MUCL1: variants seen among roughly 807,000 people sequenced by gnomAD.
MUCL1 encodes mucin-like protein 1.
In MUCL1, 11 loss-of-function variants were observed where a neutral mutation model predicts 9.2. The observed-to-expected ratio is 1.19, with a 90% CI of 0.75 to 1.97. MUCL1 has a LOEUF of 1.97. MUCL1 is among the 30% of genes most tolerant of loss of function. The pLI is 0.00. For missense variants in MUCL1, 144 were observed against 110.9 expected (o/e 1.30, Z -1.34); for synonymous variants, 48 against 40.5 (o/e 1.19, Z -0.71).
At chr12:54,832,716 T>C (rs1054609695) in intron 1 of MUCL1, among the ~76,000 whole-genome samples, 5 of 152,114 alleles carry the variant, frequency 3.3e-5, no homozygotes, top group African/African-American at 7.2e-5. Flanking sequence ...CCAAGAGAAT[T>C]TTTCTTTCAT....
chr12:54,856,305 C>T (rs187619171), intron 2 of MUCL1, among the ~76,000 whole-genome samples: 122 of 152,228 alleles, frequency 8.0e-4, no homozygotes, highest in Non-Finnish European at 1.5e-3. Context: ...AGATGAGATA[C>T]GTCTTCTTAG....
chr12:54,858,147 T>G, intron 3 of MUCL1, 46 bp from the exon 4 acceptor site: 1 of 1,610,792 alleles, frequency 6.2e-7, no homozygotes, highest in Non-Finnish European at 8.5e-7. Flanking sequence ...ATCCACATTC[T>G]TCATCCTTTG....
At chr12:54,831,305 C>T (rs1219877341) in intron 1 of MUCL1, among the ~76,000 whole-genome samples, 1 of 152,024 alleles carries the variant, frequency 6.6e-6, no homozygotes, top group African/African-American at 2.4e-5. Flanking sequence ...ATTAAATATT[C>T]CTAAAACTCA....
chr12:54,831,359 G>C (rs1959185140), intron 1 of MUCL1, among the ~76,000 whole-genome samples: 1 of 152,016 alleles, frequency 6.6e-6, no homozygotes, highest in Non-Finnish European at 1.5e-5. Flanking sequence ...CATGTGACTT[G>C]GGTAAGTTTT....
intron 1 of MUCL1, among the ~76,000 whole-genome samples, chr12:54,849,147 C>T (rs1008724507): frequency 1.3e-5 from 2 of 151,970 alleles, no homozygotes; most frequent in African/African-American, 4.8e-5. Flanking sequence ...TAATTTAAGG[C>T]CATTTTGTAC....
rs183256524 is a variant in MUCL1 at position 54,844,929 on chromosome 12, A to C, written c.43+5482A>C. On this transcript the variant is annotated intron_variant, in intron 1 of 3. Coordinates refer to the MUCL1 transcript ENST00000546809. ...AAACTATTTTAATAGACTCACAGAC[A>C]CTGTGGGTGAAGAAGCTGGGTAAGG... Among the ~76,000 whole-genome samples, 278 of 152,350 alleles carry C rather than the reference A, an allele frequency of 1.8e-3. 1 individual carries two copies. Among genetic ancestry groups the C allele is most frequent in the Non-Finnish European group, 1.9e-4 (13 of 68,036 alleles).
chr12:54,831,140 C>T (rs1169688847), intron 1 of MUCL1, among the ~76,000 whole-genome samples: 1 of 152,058 alleles, frequency 6.6e-6, no homozygotes, highest in Non-Finnish European at 1.5e-5. Flanking sequence ...GCACTAAGAT[C>T]TCTACAGTCT....
chr12:54,854,268 T>G (rs1868280758), upstream of MUCL1, among the ~76,000 whole-genome samples: 1 of 152,154 alleles, frequency 6.6e-6, no homozygotes, highest in Non-Finnish European at 1.5e-5. Context: ...ATACCCTACA[T>G]GTAAGAGGAT....
chr12:54,852,206 C>T (rs1158368264), upstream of MUCL1, among the ~76,000 whole-genome samples: 2 of 152,270 alleles, frequency 1.3e-5, no homozygotes, highest in African/African-American at 2.4e-5. Context: ...CAAGTCAATC[C>T]TAAGCCAAAA....
upstream of MUCL1, among the ~76,000 whole-genome samples, chr12:54,853,499 A>G (rs1292757142): frequency 6.6e-6 from 1 of 152,122 alleles, no homozygotes; most frequent in African/African-American, 2.4e-5. Context: ...CTTCAGACTG[A>G]CCATTTCCTT....
At chr12:54,838,040 G>A (rs1197872585), upstream of MUCL1, among the ~76,000 whole-genome samples, 1 of 152,140 alleles carries the variant, frequency 6.6e-6, no homozygotes, top group Non-Finnish European at 1.5e-5. Flanking sequence ...TGAGTTTTAT[G>A]CTTCAAGTGG....
At chr12:54,836,452 G>A (rs1001443086), upstream of MUCL1, among the ~76,000 whole-genome samples, 2 of 151,970 alleles carry the variant, frequency 1.3e-5, no homozygotes, top group African/African-American at 4.8e-5. Context: ...CAATTTTCAT[G>A]TCTGAGCTTA....
upstream of MUCL1, among the ~76,000 whole-genome samples, chr12:54,852,519 C>A (rs921573291): frequency 6.6e-6 from 1 of 152,180 alleles, no homozygotes; most frequent in Non-Finnish European, 1.5e-5. Flanking sequence ...AGATGAAAAA[C>A]TACTCATATA....
At chr12:54,846,029 A>G (rs528166558) in intron 1 of MUCL1, among the ~76,000 whole-genome samples, 1 of 152,198 alleles carries the variant, frequency 6.6e-6, no homozygotes, top group African/African-American at 2.4e-5. Context: ...ATGTTTTAAG[A>G]CATTGACAAA....
At chr12:54,834,316 A>AT (rs1221121283) in intron 1 of MUCL1, among the ~76,000 whole-genome samples, 1 of 152,114 alleles carries the variant, frequency 6.6e-6, no homozygotes, top group African/African-American at 2.4e-5. Context: ...TTTACCTATC[A>AT]GCATTTTTAA....
At chr12:54,855,403 A>G (rs1868291413) in intron 2 of MUCL1, 1 of 473,426 alleles carries the variant, frequency 2.1e-6, no homozygotes, top group African/African-American at 1.9e-5. Context: ...CTTATTATTC[A>G]TTGTTTTCCA....
chr12:54,837,484 G>T (rs1959194742), upstream of MUCL1, among the ~76,000 whole-genome samples: 1 of 152,070 alleles, frequency 6.6e-6, no homozygotes, highest in South Asian at 2.1e-4. Flanking sequence ...AATCCTTATG[G>T]GCTGGGTGTG....
chr12:54,841,229 T>G (rs1389206428), intron 1 of MUCL1, among the ~76,000 whole-genome samples: 1 of 152,220 alleles, frequency 6.6e-6, no homozygotes, highest in East Asian at 1.9e-4. Flanking sequence ...GTCTCAGAAT[T>G]TCTTTATTCA....
chr12:54,835,496 C>T (rs115312321), upstream of MUCL1, among the ~76,000 whole-genome samples: 1,791 of 151,980 alleles, frequency 0.012, 38 homozygotes, highest in African/African-American at 0.041. Context: ...ATTTGCATTT[C>T]CCTGATGATT....
Sources: allele counts gnomAD v4.1 joint callset (sites outside exome capture counted in the v4.1 genomes callset), GRCh38; gene constraint gnomAD v4.1.1; transcripts MANE v1.5; gene names NCBI Gene and HGNC (gene_info 2026-07-23, HGNC 2026-07-21).